The following LRRFIP1 variants were observed in gnomAD, a reference collection of about 807,000 sequenced individuals.
The protein encoded by LRRFIP1 is leucine-rich repeat flightless-interacting protein 1.
LRRFIP1 carries 62 observed loss-of-function variants against 104.4 expected under a neutral mutation model. That is an observed-to-expected ratio of 0.59 (90% CI 0.48 to 0.73). The LOEUF (loss-of-function observed/expected upper bound fraction) is 0.73. Ranked by LOEUF, LRRFIP1 falls within the 30% of genes least tolerant of loss-of-function variation. The pLI, the probability that LRRFIP1 is intolerant of heterozygous loss-of-function variation, is 0.00. For missense variants in LRRFIP1, 796 were observed against 824.5 expected, an observed-to-expected ratio of 0.97 and a Z score of 0.42; for synonymous variants, 300 against 299.0, an observed-to-expected ratio of 1.00 and a Z score of -0.03.
intron 1 of LRRFIP1, among the ~76,000 whole-genome samples, chr2:237,635,564 G>T (rs11691360): frequency 0.22 from 33,288 of 152,156 alleles, 4,295 homozygotes; most frequent in East Asian, 0.43. Flanking sequence ...GCTCACACCT[G>T]TAATTCCAGC....
At chr2:237,776,158 C>T (rs1051407758) in intron 23 of LRRFIP1, among the ~76,000 whole-genome samples, 8 of 152,148 alleles carry the variant, frequency 5.3e-5, no homozygotes, top group African/African-American at 1.9e-4. Context: ...CGGGGTTTCT[C>T]CATGTTGGCC....
intron 1 of LRRFIP1, among the ~76,000 whole-genome samples, chr2:237,663,707 G>C (rs2088564247): frequency 6.6e-6 from 1 of 152,246 alleles, no homozygotes; most frequent in Non-Finnish European, 1.5e-5. Context: ...GTGTGATGTT[G>C]CGTTATCACT....
At chr2:237,655,310 G>A (rs2086636538) in intron 1 of LRRFIP1, among the ~76,000 whole-genome samples, 3 of 150,656 alleles carry the variant, frequency 2.0e-5, no homozygotes, top group East Asian at 2.0e-4. Flanking sequence ...GGGTTTCACC[G>A]TGTTTGCCAG....
intron 10 of LRRFIP1, among the ~76,000 whole-genome samples, chr2:237,739,029 T>C (rs150624402): frequency 1.1e-4 from 16 of 152,378 alleles, no homozygotes; most frequent in Middle Eastern, 6.8e-3. Flanking sequence ...CCTCTGATAA[T>C]GTGATTGGCT....
intron 19 of LRRFIP1, chr2:237,763,855 T>C: frequency 6.2e-7 from 1 of 1,614,170 alleles, no homozygotes; most frequent in South Asian, 1.1e-5. Context: ...CTCAAAGCAG[T>C]CCTGCAGAAC....
chr2:237,630,254 A>G (rs187111443), intron 1 of LRRFIP1, among the ~76,000 whole-genome samples: 59 of 152,328 alleles, frequency 3.9e-4, no homozygotes, highest in Middle Eastern at 3.4e-3. Context: ...CACTATTCAA[A>G]TGGCAAATAT....
rs575752320 is a variant in LRRFIP1, at chr2:237,772,964, G to A, written c.1707+19G>A. ...ACAAAATGTACGTGTAAGCAACAAC[G>A]GGCAGAACTGATGATTGACTGGAGT... On this transcript the variant is annotated intron_variant, in intron 22 of 23. Transcript: ENST00000308482. 52 of 1,584,974 alleles carry A rather than the reference G, an allele frequency of 3.3e-5. No individual in the cohort carries two copies. Among genetic ancestry groups the A allele is most frequent in the African/African-American group, 3.0e-4 (22 of 74,380 alleles).
chr2:237,712,857 A>G (rs2094166984), intron 2 of LRRFIP1, among the ~76,000 whole-genome samples: 1 of 152,102 alleles, frequency 6.6e-6, no homozygotes, highest in African/African-American at 2.4e-5. Flanking sequence ...CAGCTAACAT[A>G]ATTTGAGGTT....
intron 7 of LRRFIP1, among the ~76,000 whole-genome samples, chr2:237,726,230 ACT>A (rs2094743265): frequency 6.6e-6 from 1 of 151,912 alleles, no homozygotes; most frequent in Non-Finnish European, 1.5e-5. Context: ...GGATTTCTAC[ACT>A]CCTTTTGTTT....
chr2:237,685,115 CCCA>C (rs1425913084), intron 1 of LRRFIP1, among the ~76,000 whole-genome samples: 5,326 of 25,490 alleles, frequency 0.21, 178 homozygotes, highest in Middle Eastern at 0.32. Flanking sequence ...CCCTCCCCCC[CCCA>C]CACAAAAAAA....
chr2:237,679,591 A>G (rs1161524011), intron 1 of LRRFIP1, among the ~76,000 whole-genome samples: 1 of 152,226 alleles, frequency 6.6e-6, no homozygotes, highest in Non-Finnish European at 1.5e-5. Flanking sequence ...AAAAAACCAA[A>G]GCATTCCTAT....
chr2:237,767,905 T>C (rs942633519), intron 19 of LRRFIP1, among the ~76,000 whole-genome samples: 1 of 152,226 alleles, frequency 6.6e-6, no homozygotes, highest in South Asian at 2.1e-4. Context: ...GTTCAGAATA[T>C]GTACTTGTTC....
Position 237,681,678 on chromosome 2 carries a change from C to CTTTT in LRRFIP1, c.97-26850_97-26847dup, listed in dbSNP as rs1172576547. 3.6e-4 allele frequency among the ~76,000 whole-genome samples: 16 copies of CTTTT among 44,898 alleles called. 4 individuals are homozygous for CTTTT. Among genetic ancestry groups the CTTTT allele is most frequent in the South Asian group, 2.4e-3 (3 of 1,242 alleles). The allele number at this position is 44,898 out of a possible 152,430, so 29.5% of individuals were successfully genotyped here. Reference sequence around the variant, plus strand: ...CACCGTGCCCGGCCGCAGTCCTATTCTTTTTTTTTTTTTTTTTTTGAGACG... The same window carrying CTTTT: ...CACCGTGCCCGGCCGCAGTCCTATTCTTTTTTTTTTTTTTTTTTTTTTTGAGACG... On this transcript the variant is annotated intron_variant, in intron 1 of 23. Coordinates refer to ENST00000308482, the MANE Select transcript of LRRFIP1 (RefSeq NM_001137550.2).
At chr2:237,724,980 T>C (rs2094685633) in intron 7 of LRRFIP1, among the ~76,000 whole-genome samples, 1 of 152,174 alleles carries the variant, frequency 6.6e-6, no homozygotes, top group Non-Finnish European at 1.5e-5. Flanking sequence ...ATCCAAAAAG[T>C]TGGCAGTGGA....
intron 1 of LRRFIP1, among the ~76,000 whole-genome samples, chr2:237,667,470 G>C (rs2089610405): frequency 6.6e-6 from 1 of 152,148 alleles, no homozygotes; most frequent in Non-Finnish European, 1.5e-5. Flanking sequence ...TGGGCATTTG[G>C]GTTGATTCCA....
chr2:237,697,771 A>G (rs11891199), intron 1 of LRRFIP1, among the ~76,000 whole-genome samples: 5,901 of 152,098 alleles, frequency 0.039, 341 homozygotes, highest in African/African-American at 0.13. Flanking sequence ...CTGGAGGGAA[A>G]CCTGTCACCT....
chr2:237,673,525 C>T (rs1559515359), intron 1 of LRRFIP1, among the ~76,000 whole-genome samples: 1 of 152,238 alleles, frequency 6.6e-6, no homozygotes, highest in Non-Finnish European at 1.5e-5. Context: ...GGTGGTTCCT[C>T]ACAGTTACCC....
At chr2:237,757,581 A>T in intron 17 of LRRFIP1, 33 bp downstream of exon 17, 1 of 1,467,178 alleles carries the variant, frequency 6.8e-7, no homozygotes, top group Non-Finnish European at 9.4e-7. Context: ...ATCTACTCAA[A>T]TGGGCAGCCT....
In LRRFIP1 at chr2:237,781,555, C is replaced by G. The variant is rs1195989315; in HGVS notation, c.*2023C>G. ...ACCAATTCTTTTGGAAACAGCAAAC[C>G]AATGTTACACACACTTCCTAATCCA... is the stretch of plus-strand genomic sequence containing the variant. On this transcript the variant is annotated 3_prime_UTR_variant, in exon 24 of 24. Transcript: ENST00000308482. Among the ~76,000 whole-genome samples the G allele has an allele frequency of 6.6e-6, 1 of 152,198 alleles. No individual in the cohort carries two copies. Among genetic ancestry groups the G allele is most frequent in the African/African-American group, 2.4e-5 (1 of 41,458 alleles).
Sources: allele counts gnomAD v4.1 joint callset (sites outside exome capture counted in the v4.1 genomes callset), GRCh38; gene constraint gnomAD v4.1.1; transcripts MANE v1.5; gene names NCBI Gene and HGNC (gene_info 2026-07-23, HGNC 2026-07-21).